GRHL2: variants seen among roughly 807,000 people sequenced by gnomAD.
GRHL2 encodes grainyhead like transcription factor 2, also known as grainyhead-like protein 2 homolog.
Under a neutral mutation model 83.8 loss-of-function variants are expected in GRHL2, and 21 were observed. That is an observed-to-expected ratio of 0.25 (90% CI 0.18 to 0.36). The LOEUF (loss-of-function observed/expected upper bound fraction) is 0.36, where lower values mean the gene tolerates loss of function less well. Among genes scored for constraint, GRHL2 ranks in the 10% least tolerant of loss-of-function variants. GRHL2 has a pLI of 1.00. For missense variants in GRHL2, 623 were observed against 781.8 expected, an observed-to-expected ratio of 0.80 and a Z score of 2.42; for synonymous variants, 280 against 278.9, an observed-to-expected ratio of 1.00 and a Z score of -0.04.
rs751605876 is a variant in GRHL2 at position 101,558,834 on chromosome 8, C to T, written c.678+22C>T. ...AGAGGTGAGTCCCAGGCTCCATCGA[C>T]GGCCAGAACCCAAACCCAGAGCCCC... On this transcript the variant is annotated intron_variant, in intron 4 of 15. Coordinates refer to ENST00000646743, the MANE Select transcript of GRHL2 (RefSeq NM_024915.4). 18 of 1,612,360 alleles carry T rather than the reference C, an allele frequency of 1.1e-5. No homozygotes were observed. In the South Asian group the frequency reaches 1.7e-4, roughly 15 times the overall value.
rs1814164684 is a variant in GRHL2, at chr8:101,669,565, T to TA, written c.*2863dup. On this transcript the variant is annotated 3_prime_UTR_variant, in exon 16 of 16. Coordinates refer to ENST00000646743, the MANE Select transcript of GRHL2 (RefSeq NM_024915.4). Reference sequence around the variant, plus strand: ...CTTAAAGACAAGCAAGGGAGATTGATATATGTACAATTTGCTCTCATGTTT... The same window carrying TA: ...CTTAAAGACAAGCAAGGGAGATTGATAATATGTACAATTTGCTCTCATGTTT... 1 of 151,890 alleles carries TA rather than the reference T, an allele frequency of 6.6e-6. No homozygotes were observed. Among genetic ancestry groups the TA allele is most frequent in the Admixed American group, 6.6e-5 (1 of 15,174 alleles). 9.4% of individuals were successfully genotyped at this position (151,890 alleles called of 1,614,324 possible).
At chr8:101,671,144 T>A (rs564659507), downstream of GRHL2, among the ~76,000 whole-genome samples, 1 of 152,292 alleles carries the variant, frequency 6.6e-6, no homozygotes, top group Admixed American at 6.5e-5. Flanking sequence ...ACCGGGTTCA[T>A]CTCACTAGGG....
At chr8:101,532,276 C>T (rs1810943831) in intron 1 of GRHL2, among the ~76,000 whole-genome samples, 1 of 151,852 alleles carries the variant, frequency 6.6e-6, no homozygotes, top group African/African-American at 2.4e-5. Flanking sequence ...GCCAATATTC[C>T]AAAAGAAAAA....
intron 1 of GRHL2, among the ~76,000 whole-genome samples, chr8:101,502,920 A>G (rs773407970): frequency 7.2e-5 from 11 of 152,114 alleles, no homozygotes; most frequent in Admixed American, 1.3e-4. Context: ...CTGTCAAAAA[A>G]TATTGCCAAG....
intron 8 of GRHL2, among the ~76,000 whole-genome samples, chr8:101,613,830 T>C (rs888523841): frequency 2.0e-5 from 3 of 151,142 alleles, no homozygotes; most frequent in Non-Finnish European, 4.4e-5. Flanking sequence ...GCTTCTCCTG[T>C]GCAATTTCTT....
At chr8:101,509,967 T>G (rs542064520) in intron 1 of GRHL2, among the ~76,000 whole-genome samples, 40 of 152,130 alleles carry the variant, frequency 2.6e-4, no homozygotes, top group Non-Finnish European at 5.0e-4. Context: ...CTTTAAGTAA[T>G]TGGTTGTATT....
intron 14 of GRHL2, among the ~76,000 whole-genome samples, chr8:101,655,130 C>G (rs909929218): frequency 1.3e-5 from 2 of 151,586 alleles, no homozygotes; most frequent in African/African-American, 4.8e-5. Flanking sequence ...TGCGGTGAGC[C>G]AAGATTGCGC....
downstream of GRHL2, among the ~76,000 whole-genome samples, chr8:101,674,138 A>G (rs552715828): frequency 5.8e-4 from 89 of 152,308 alleles, 2 homozygotes; most frequent in South Asian, 0.018. Context: ...TAACGTCACA[A>G]TTAAAAGAAT....
chr8:101,678,836 G>T, the GRHL2 span, among the ~76,000 whole-genome samples: 59 of 150,256 alleles, frequency 3.9e-4, no homozygotes, highest in Non-Finnish European at 6.8e-4. Context: ...ACATGGCAGG[G>T]TATTCCAACA....
chr8:101,537,108 G>C (rs780156608), intron 1 of GRHL2, among the ~76,000 whole-genome samples: 1 of 152,084 alleles, frequency 6.6e-6, no homozygotes, highest in Non-Finnish European at 1.5e-5. Context: ...ACATGATCTT[G>C]TTCTTTTTTA....
chr8:101,649,344 C>T, intron 13 of GRHL2, 70 bp from the exon 14 acceptor site: 1 of 1,241,960 alleles, frequency 8.1e-7, no homozygotes, highest in East Asian at 2.3e-5. Flanking sequence ...TGACAGGAAA[C>T]AGTCCCCTGG....
intron 1 of GRHL2, among the ~76,000 whole-genome samples, chr8:101,501,111 T>C: frequency 6.6e-6 from 1 of 152,252 alleles, no homozygotes; most frequent in East Asian, 1.9e-4. Flanking sequence ...TCAGGAGATT[T>C]CAATGTATAT....
intron 14 of GRHL2, among the ~76,000 whole-genome samples, chr8:101,663,905 G>GT (rs771402553): frequency 1.4e-3 from 202 of 144,664 alleles, no homozygotes; most frequent in African/African-American, 2.4e-3. Flanking sequence ...TAGCATTTTA[G>GT]TTTTTTTTTT....
In GRHL2 at chr8:101,492,652, AGC is replaced by A. The variant is rs912960597; in HGVS notation, c.-117_-116del. ...GGGACGGAAAAGCAGAATTACCTGT[AGC>A]TCTTGTTCTGCCATCTCGGGCGCTC... On this transcript the variant is annotated 5_prime_UTR_variant, in exon 1 of 16. Transcript: ENST00000646743. 3.6e-6 allele frequency: 3 copies of A among 833,840 alleles called. No individual in the cohort carries two copies. The African/African-American group carries it at 5.0e-5, about 14-fold the overall frequency. 51.7% of individuals were successfully genotyped at this position (833,840 alleles called of 1,614,324 possible).
chr8:101,680,025 C>G, the GRHL2 span, among the ~76,000 whole-genome samples: 1 of 118,184 alleles, frequency 8.5e-6, no homozygotes, highest in Non-Finnish European at 1.7e-5. Context: ...AACTAACGAG[C>G]AAAATAACCA....
chr8:101,607,191 T>C (rs1812649102), intron 8 of GRHL2, among the ~76,000 whole-genome samples: 1 of 152,242 alleles, frequency 6.6e-6, no homozygotes, highest in Non-Finnish European at 1.5e-5. Flanking sequence ...CAAGCACAGT[T>C]CTTTTGAAAA....
chr8:101,573,963 G>A (rs182958194), intron 6 of GRHL2, 139 bp downstream of exon 6: 7 of 973,336 alleles, frequency 7.2e-6, no homozygotes, highest in Admixed American at 4.0e-5. Context: ...GAGAGTTGGG[G>A]CAAGAGCACT....
At chr8:101,677,941 G>A in the GRHL2 span, among the ~76,000 whole-genome samples, 2 of 152,090 alleles carry the variant, frequency 1.3e-5, no homozygotes. Flanking sequence ...TCTGTCTTAG[G>A]TGGATTTGAC....
At chr8:101,618,508 C>T (rs532596553) in intron 8 of GRHL2, among the ~76,000 whole-genome samples, 7 of 152,212 alleles carry the variant, frequency 4.6e-5, no homozygotes, top group African/African-American at 7.2e-5. Context: ...ATATTTGTAT[C>T]TACATTTTGT....
Sources: gnomAD v4.1 joint callset for allele counts (sites outside exome capture counted in the v4.1 genomes callset) on GRCh38, gnomAD v4.1.1 for gene constraint, MANE v1.5 for transcripts, NCBI Gene and HGNC (gene_info 2026-07-23, HGNC 2026-07-21) for gene names.